HOMER1: variants seen among roughly 807,000 people sequenced by gnomAD.
The protein encoded by HOMER1 is homer scaffold protein 1.
A neutral mutation model predicts 48.9 loss-of-function variants in HOMER1; 3 were observed. That is an observed-to-expected ratio of 0.06 (90% CI 0.03 to 0.16). The LOEUF (loss-of-function observed/expected upper bound fraction) is 0.16, where lower values mean the gene tolerates loss of function less well. HOMER1 is among the 10% of genes least tolerant of loss of function. The pLI is 1.00. For synonymous variants in HOMER1, 134 were observed against 146.4 expected (o/e 0.92, Z 0.61); for missense variants, 247 against 411.4 (o/e 0.60, Z 3.46).
intron 1 of HOMER1, among the ~76,000 whole-genome samples, chr5:79,485,502 T>C (rs1306655989): frequency 6.6e-6 from 1 of 152,222 alleles, no homozygotes; most frequent in East Asian, 1.9e-4. Context: ...TCCACAAAGT[T>C]TGGAACACGC....
intron 1 of HOMER1, among the ~76,000 whole-genome samples, chr5:79,475,803 C>T (rs1325109211): frequency 6.6e-6 from 1 of 152,090 alleles, no homozygotes; most frequent in African/African-American, 2.4e-5. Context: ...CACTATCACT[C>T]CAATCAAGTA....
chr5:79,396,137 T>C (rs6897893), intron 8 of HOMER1, among the ~76,000 whole-genome samples: 72,659 of 151,970 alleles, frequency 0.48, 20,696 homozygotes, highest in African/African-American at 0.79. Context: ...TGTCTGACTA[T>C]CACTGACACA....
At chr5:79,510,305 C>G (rs1752903169) in intron 1 of HOMER1, 1 of 383,906 alleles carries the variant, frequency 2.6e-6, no homozygotes, top group Non-Finnish European at 4.9e-6. Context: ...ATTAATTATG[C>G]TAAGTGTCTA....
chr5:79,383,426 CCTAGA>C (rs1387436139), intron 8 of HOMER1, among the ~76,000 whole-genome samples: 1 of 150,712 alleles, frequency 6.6e-6, no homozygotes, highest in Non-Finnish European at 1.5e-5. Context: ...AGCTCTGTCA[CCTAGA>C]CTAGAGTGCA....
chr5:79,488,018 T>C (rs1265108226), intron 1 of HOMER1, among the ~76,000 whole-genome samples: 1 of 152,244 alleles, frequency 6.6e-6, no homozygotes, highest in Non-Finnish European at 1.5e-5. Context: ...TAGGTTTTTG[T>C]ATACTTAAAA....
At chr5:79,408,562 CACAT>C (rs766609565) in intron 5 of HOMER1, among the ~76,000 whole-genome samples, 5 of 151,992 alleles carry the variant, frequency 3.3e-5, no homozygotes, top group Admixed American at 6.6e-5. Context: ...ATTGGATAAC[CACAT>C]ACAAACATAA....
rs1182627435 is a variant in HOMER1 at position 79,457,974 on chromosome 5, G to T, written c.6-956C>A. On this transcript the variant is annotated intron_variant, in intron 1 of 8. Coordinates refer to ENST00000334082, the MANE Select transcript of HOMER1 (RefSeq NM_004272.5). ...CCATTTAAAACCCAGAATAATCTGG[G>T]AATAGGTAAAGAACTTACTGGGAAA... is the stretch of plus-strand genomic sequence containing the variant. Among the ~76,000 whole-genome samples the T allele has an allele frequency of 3.3e-5, 5 of 152,102 alleles. 1 individual carries two copies. In the South Asian group the frequency reaches 8.3e-4, roughly 25 times the overall value.
chr5:79,484,166 G>A (rs978982199), intron 1 of HOMER1, among the ~76,000 whole-genome samples: 1 of 151,910 alleles, frequency 6.6e-6, no homozygotes, highest in East Asian at 1.9e-4. Flanking sequence ...GTAGTAAAAT[G>A]GATCACCTAA....
At chr5:79,464,668 CATACATAT>C (rs1311672685) in intron 1 of HOMER1, among the ~76,000 whole-genome samples, 2 of 152,194 alleles carry the variant, frequency 1.3e-5, no homozygotes, top group Non-Finnish European at 2.9e-5. Flanking sequence ...CTCTCTTTCT[CATACATAT>C]ATCCTACCCC....
At chr5:79,405,298 A>C (rs72766729) in intron 5 of HOMER1, among the ~76,000 whole-genome samples, 1 of 152,286 alleles carries the variant, frequency 6.6e-6, no homozygotes, top group Non-Finnish European at 1.5e-5. Context: ...AGACGCCTTG[A>C]TCTCAGACTT....
intron 1 of HOMER1, among the ~76,000 whole-genome samples, chr5:79,503,068 T>A (rs892176742): frequency 6.6e-6 from 1 of 151,982 alleles, no homozygotes; most frequent in Admixed American, 6.6e-5. Flanking sequence ...ATTACAGGCG[T>A]GAGCCACTGC....
chr5:79,418,379 CTT>C lies in HOMER1; in HGVS notation c.528-16326_528-16325del, dbSNP rs566874019. On this transcript the variant is annotated intron_variant, in intron 5 of 8. Coordinates refer to ENST00000334082, the MANE Select transcript of HOMER1 (RefSeq NM_004272.5). ...CTCGATGGAAGCAAAAGTCTCCTAA[CTT>C]TACTGGCCAATGTGATGAAGTCTGG... 2.9e-3 allele frequency among the ~76,000 whole-genome samples: 445 copies of C among 152,322 alleles called. 2 individuals carry two copies. Among genetic ancestry groups the C allele is most frequent in the African/African-American group, 0.01 (425 of 41,572 alleles).
At chr5:79,487,577 A>T (rs538817639) in intron 1 of HOMER1, among the ~76,000 whole-genome samples, 39 of 152,300 alleles carry the variant, frequency 2.6e-4, no homozygotes, top group African/African-American at 8.9e-4. Context: ...GATTGTGAAA[A>T]ATTCTACAGG....
intron 1 of HOMER1, among the ~76,000 whole-genome samples, chr5:79,502,941 C>T (rs1459875836): frequency 6.6e-6 from 1 of 151,920 alleles, no homozygotes; most frequent in Non-Finnish European, 1.5e-5. Flanking sequence ...CAGGCGCCCG[C>T]CACCACGCCC....
chr5:79,410,489 C>CAAAAAAAA (rs59290866), intron 5 of HOMER1, among the ~76,000 whole-genome samples: 1 of 105,134 alleles, frequency 9.5e-6, no homozygotes, highest in Non-Finnish European at 2.1e-5. Flanking sequence ...AACTCTATCT[C>CAAAAAAAA]AAAAAAAAAA....
At position 79,372,943 on chromosome 5, in the gene HOMER1, T is replaced by C. The variant is rs1336123923; in HGVS notation, c.*3066A>G. ...CTCTAACTGCTTCCCAACAGTTCAA[T>C]GACAGCAGAACATCAAATCTATGAT... On this transcript the variant is annotated 3_prime_UTR_variant, in exon 9 of 9. Coordinates refer to ENST00000334082, the MANE Select transcript of HOMER1 (RefSeq NM_004272.5). The C allele has an allele frequency of 6.6e-6, 1 of 152,134 alleles. No homozygotes were observed. 9.4% of individuals were successfully genotyped at this position (152,134 alleles called of 1,614,324 possible). A position where few individuals can be genotyped will look rare whatever the true frequency, so the allele number is the denominator to read the frequency against.
At chr5:79,474,453 G>GAATT (rs913889086) in intron 1 of HOMER1, among the ~76,000 whole-genome samples, 2 of 151,952 alleles carry the variant, frequency 1.3e-5, no homozygotes, top group African/African-American at 4.8e-5. Context: ...TGCCTTCACT[G>GAATT]AATTAAGATT....
chr5:79,476,743 AG>A (rs1282557301), intron 1 of HOMER1, among the ~76,000 whole-genome samples: 2 of 152,212 alleles, frequency 1.3e-5, no homozygotes, highest in Non-Finnish European at 2.9e-5. Context: ...ACACACATTT[AG>A]CTATCCAGAA....
At chr5:79,422,149 C>T (rs1356659007) in intron 5 of HOMER1, among the ~76,000 whole-genome samples, 1 of 151,726 alleles carries the variant, frequency 6.6e-6, no homozygotes, top group African/African-American at 2.4e-5. Flanking sequence ...ATCACTTGAA[C>T]ACGGGAGACA....
Sources: allele counts gnomAD v4.1 joint callset (sites outside exome capture counted in the v4.1 genomes callset), GRCh38; gene constraint gnomAD v4.1.1; transcripts MANE v1.5; gene names NCBI Gene and HGNC (gene_info 2026-07-23, HGNC 2026-07-21).